The following SLC31A1 variants were observed in gnomAD, a reference collection of about 807,000 sequenced individuals.
SLC31A1 encodes the protein solute carrier family 31 member 1.
A neutral mutation model predicts 17.2 loss-of-function variants in SLC31A1; 5 were observed. That is an observed-to-expected ratio of 0.29 (90% CI 0.15 to 0.61). The LOEUF (loss-of-function observed/expected upper bound fraction) is 0.61. SLC31A1 is among the 20% of genes least tolerant of loss of function. The probability of loss-of-function intolerance (pLI) is 0.86; values close to 1 mark genes in which losing one functional copy is unlikely to be tolerated. For synonymous variants in SLC31A1, 76 were observed against 78.8 expected, an observed-to-expected ratio of 0.96 and a Z score of 0.19; for missense variants, 161 against 241.4, an observed-to-expected ratio of 0.67 and a Z score of 2.21.
chr9:113,224,153 C>G (rs1392638615), intron 1 of SLC31A1, among the ~76,000 whole-genome samples: 1 of 152,168 alleles, frequency 6.6e-6, no homozygotes, highest in East Asian at 1.9e-4. Flanking sequence ...TCTATGACTC[C>G]TCTTACCCTC....
intron 1 of SLC31A1, among the ~76,000 whole-genome samples, chr9:113,239,487 A>G (rs1831498649): frequency 6.6e-6 from 1 of 152,230 alleles, no homozygotes; most frequent in Non-Finnish European, 1.5e-5. Flanking sequence ...AATCTGCCTC[A>G]AAGAAGAACT....
At chr9:113,221,830 G>A (rs1477126876) in intron 1 of SLC31A1, among the ~76,000 whole-genome samples, 152 bp downstream of exon 1, 1 of 152,234 alleles carries the variant, frequency 6.6e-6, no homozygotes, top group African/African-American at 2.4e-5. Flanking sequence ...CTTCGGCCCG[G>A]CCCCTGCAGT....
chr9:113,237,914 C>T (rs1414853216), intron 1 of SLC31A1, among the ~76,000 whole-genome samples: 2 of 152,158 alleles, frequency 1.3e-5, no homozygotes, highest in African/African-American at 2.4e-5. Flanking sequence ...ATAGCCTTTA[C>T]CTAAGCCTTA....
chr9:113,247,357 T>C (rs928800457), intron 1 of SLC31A1, among the ~76,000 whole-genome samples: 1 of 152,202 alleles, frequency 6.6e-6, no homozygotes, highest in Non-Finnish European at 1.5e-5. Context: ...ATTATATCTG[T>C]CTGAGCTAGA....
chr9:113,259,329 T>TA (rs1831762969), intron 4 of SLC31A1, among the ~76,000 whole-genome samples: 1 of 152,176 alleles, frequency 6.6e-6, no homozygotes, highest in African/African-American at 2.4e-5. Flanking sequence ...GATTGGCAAA[T>TA]GTTTTTTGAG....
At chr9:113,247,529 G>A (rs562339614) in intron 1 of SLC31A1, among the ~76,000 whole-genome samples, 7 of 152,272 alleles carry the variant, frequency 4.6e-5, no homozygotes, top group Admixed American at 6.5e-5. Flanking sequence ...GAATTTAGCC[G>A]TCTTGCTAAT....
At chr9:113,233,366 C>T (rs1831421359) in intron 1 of SLC31A1, among the ~76,000 whole-genome samples, 1 of 152,122 alleles carries the variant, frequency 6.6e-6, no homozygotes, top group African/African-American at 2.4e-5. Flanking sequence ...GTGGGCTATT[C>T]AGGATCTCAG....
rs537817028 is a variant in SLC31A1, at chr9:113,238,295, A to G, written c.-36+16617A>G. Among the ~76,000 whole-genome samples, 3 of 152,334 alleles carry G rather than the reference A, an allele frequency of 2.0e-5. No individual in the cohort carries two copies. The South Asian group carries it at 6.2e-4, about 32-fold the overall frequency. On this transcript the variant is annotated intron_variant, in intron 1 of 4. Coordinates refer to ENST00000374212, the MANE Select transcript of SLC31A1 (RefSeq NM_001859.4). ...ACTGTTAAACATCCAGTGATACACA[A>G]GACAGCTCAGACAACAAAGAATTAT...
intron 4 of SLC31A1, among the ~76,000 whole-genome samples, chr9:113,259,659 A>C (rs1587997622): frequency 7.1e-6 from 1 of 141,778 alleles, no homozygotes. Context: ...ATCTTGGCTC[A>C]CTGCAATCTC....
intron 1 of SLC31A1, among the ~76,000 whole-genome samples, chr9:113,225,208 G>A (rs907670500): frequency 2.0e-5 from 3 of 152,238 alleles, no homozygotes; most frequent in Non-Finnish European, 2.9e-5. Flanking sequence ...ATGGTGTGAT[G>A]TCAGTTAAAT....
In SLC31A1 at chr9:113,248,630, G is replaced by A. The variant is rs920457281; in HGVS notation, c.-35-7484G>A. ...ATTACAGGTGCCCGCCACCACACCC[G>A]GCTAATTTTTGTAATTTTGTAATTT... On this transcript the variant is annotated intron_variant, in intron 1 of 4. Coordinates refer to ENST00000374212, the MANE Select transcript of SLC31A1 (RefSeq NM_001859.4). Among the ~76,000 whole-genome samples the A allele has an allele frequency of 7.9e-5, 12 of 151,636 alleles. No homozygotes were observed. The South Asian group carries it at 1.5e-3, about 18-fold the overall frequency.
intron 1 of SLC31A1, among the ~76,000 whole-genome samples, chr9:113,229,147 A>G (rs187396612): frequency 2.0e-5 from 3 of 152,338 alleles, no homozygotes; most frequent in Admixed American, 1.3e-4. Flanking sequence ...CGCCTGACTG[A>G]TAATTTAATT....
At chr9:113,237,828 G>C (rs1256810382) in intron 1 of SLC31A1, among the ~76,000 whole-genome samples, 1 of 152,174 alleles carries the variant, frequency 6.6e-6, no homozygotes, top group South Asian at 2.1e-4. Flanking sequence ...TGAACTTACT[G>C]TTGGACCCAG....
chr9:113,233,588 G>A (rs917828655), intron 1 of SLC31A1, among the ~76,000 whole-genome samples: 17 of 152,160 alleles, frequency 1.1e-4, no homozygotes, highest in Non-Finnish European at 2.9e-5. Flanking sequence ...TACTTACACA[G>A]TGCGTTAGAA....
rs534651651 is a variant in SLC31A1 at position 113,258,540 on chromosome 9, G to A, written c.203-154G>A. 8.5e-5 allele frequency among the ~76,000 whole-genome samples: 13 copies of A among 152,316 alleles called. No homozygotes were observed. Among genetic ancestry groups the A allele is most frequent in the African/African-American group, 2.6e-4 (11 of 41,582 alleles). ...AGTTTTCAGTTACACCATCTTAGCCGTTCTCCTATCTGAGCAAGAGAAGAG... is the reference window on the plus strand; with the variant it reads ...AGTTTTCAGTTACACCATCTTAGCCATTCTCCTATCTGAGCAAGAGAAGAG... On this transcript the variant is annotated intron_variant, in intron 3 of 4. Coordinates refer to ENST00000374212, the MANE Select transcript of SLC31A1 (RefSeq NM_001859.4). The surrounding 1 kb of genome is among the most constrained non-coding windows in gnomAD (Gnocchi z 4.8).
At chr9:113,252,954 C>CTTTTTTTTTTTTTTTTT in intron 1 of SLC31A1, among the ~76,000 whole-genome samples, 1 of 105,514 alleles carries the variant, frequency 9.5e-6, no homozygotes, top group Non-Finnish European at 1.8e-5. Context: ...TTCTTTTTTT[C>CTTTTTTTTTTTTTTTTT]TTTTTTTTTT....
In SLC31A1 at chr9:113,258,609, T is replaced by C. The variant is rs1831753814; in HGVS notation, c.203-85T>C. 6.9e-7 allele frequency: 1 copy of C among 1,446,298 alleles called. No homozygotes were observed. The highest frequency in any genetic ancestry group is 9.7e-7 in the Non-Finnish European group (1 of 1,030,030). The allele number at this position is 1,446,298 out of a possible 1,614,324, so 89.6% of individuals were successfully genotyped here. On this transcript the variant is annotated intron_variant, in intron 3 of 4. Transcript: ENST00000374212. The surrounding 1 kb of genome is among the most constrained non-coding windows in gnomAD (Gnocchi z 4.8). ...CAAAAGCTGAGAGTAGCATTTTTTC[T>C]ATGTGTCTTTCTAGCTGGACAGCAC...
In SLC31A1 at chr9:113,235,549, A is replaced by G. The variant is rs183004767; in HGVS notation, c.-36+13871A>G. Among the ~76,000 whole-genome samples the G allele has an allele frequency of 4.2e-3, 639 of 152,356 alleles. 2 individuals carry two copies. The highest frequency in any genetic ancestry group is 0.014 in the Middle Eastern group (4 of 294). ...ATTATGTTGAGCAAAGGACCCAGAC[A>G]CAATAGTACATTCTTTCTGCTTCCA... On this transcript the variant is annotated intron_variant, in intron 1 of 4. Coordinates refer to ENST00000374212, the MANE Select transcript of SLC31A1 (RefSeq NM_001859.4).
intron 2 of SLC31A1, among the ~76,000 whole-genome samples, chr9:113,256,733 C>T (rs1176027536): frequency 2.0e-5 from 3 of 152,012 alleles, no homozygotes; most frequent in African/African-American, 2.4e-5. Context: ...TGATGGCATT[C>T]GCCTGTAGTC....
Sources: allele counts gnomAD v4.1 joint callset (sites outside exome capture counted in the v4.1 genomes callset), GRCh38; gene constraint gnomAD v4.1.1; non-coding constraint Gnocchi (gnomAD v3.1); transcripts MANE v1.5; gene names NCBI Gene and HGNC (gene_info 2026-07-23, HGNC 2026-07-21).